ZFP28: variants seen among roughly 807,000 people sequenced by gnomAD.
ZFP28 encodes the protein zinc finger protein 28 homolog.
ZFP28 carries 31 observed loss-of-function variants against 39.5 expected under a neutral mutation model. The ratio of observed to expected loss-of-function variants is 0.79; its 90% CI spans 0.59 to 1.06. The LOEUF is 1.06. ZFP28 is among the 50% of genes least tolerant of loss of function. The pLI is 0.00. For missense variants in ZFP28, 925 were observed against 1,048.4 expected (o/e 0.88, Z 1.63); for synonymous variants, 400 against 378.6 (o/e 1.06, Z -0.66).
At chr19:56,540,411 G>C (rs1026104389) in intron 2 of ZFP28, among the ~76,000 whole-genome samples, 1 of 152,128 alleles carries the variant, frequency 6.6e-6, no homozygotes, top group Non-Finnish European at 1.5e-5. Flanking sequence ...TGTTTGTTTC[G>C]GTTGGCTTCT....
Position 56,547,438 on chromosome 19 carries a change from C to G in ZFP28, c.301-70C>G. The G allele has an allele frequency of 6.2e-7, 1 of 1,608,702 alleles. No homozygotes were observed. Among genetic ancestry groups the G allele is most frequent in the Non-Finnish European group, 8.5e-7 (1 of 1,177,246 alleles). ...GTTTTGTCAGGGGACACATTTCTTT[C>G]TATAACAAACCCCCAGTCATGTGGG... On this transcript the variant is annotated intron_variant, in intron 2 of 7. Transcript: ENST00000301318. The surrounding 1 kb of genome is among the most constrained non-coding windows in gnomAD (Gnocchi z 4.6).
rs777273303 is a variant in ZFP28 at position 56,555,425 on chromosome 19, G to T, written c.*33G>T. 1 of 1,563,056 alleles carries T rather than the reference G, an allele frequency of 6.4e-7. No homozygotes were observed. The highest frequency in any genetic ancestry group is 1.4e-5 in the African/African-American group (1 of 73,038). On this transcript the variant is annotated 3_prime_UTR_variant, in exon 8 of 8. Coordinates refer to ENST00000301318, the MANE Select transcript of ZFP28 (RefSeq NM_020828.2). The stretch of plus-strand genomic sequence containing the variant: ...ACGTCATTTCTGTTTGACTACTCCA[G>T]CAGTTTAAAACCCCATCTCCCTGCC...
intron 7 of ZFP28, chr19:56,551,735 T>C (rs1035349605): frequency 1.0e-6 from 1 of 983,662 alleles, no homozygotes; most frequent in Non-Finnish European, 1.2e-6. Flanking sequence ...AAAATTATTC[T>C]TTTTTTATGA....
chr19:56,538,118 T>C (rs1463463904), upstream of ZFP28: 1 of 152,106 alleles, frequency 6.6e-6, no homozygotes, highest in Non-Finnish European at 1.5e-5. Context: ...TGCAAATACA[T>C]AGGTTACAAA....
In ZFP28 at chr19:56,547,892, C is replaced by T. The variant is rs370710800; in HGVS notation, c.513C>T (p.Ala171=). ...PWTVKRKMTR[A]WCPDLKAVWK... ...CAGTGAAGCGAAAGATGACAAGAGC[C>T]TGGTGCCCAGGTGAGTGTGGGAGAA... The change falls in exon 4 of 8, where the codon GCC becomes GCT. Residue 171 remains alanine, a synonymous_variant. Transcript: ENST00000301318. This position sits in a 1 kb window ranked among gnomAD's most constrained non-coding sequence, Gnocchi z 4.6. 2.1e-5 allele frequency: 34 copies of T among 1,614,000 alleles called. No homozygotes were observed. The highest frequency in any genetic ancestry group is 2.8e-5 in the Non-Finnish European group (33 of 1,180,022).
chr19:56,539,274 C>T, intron 1 of ZFP28, 48 bp downstream of exon 1: 1 of 1,529,272 alleles, frequency 6.5e-7, no homozygotes, highest in Non-Finnish European at 8.8e-7. Flanking sequence ...ACGAATTCAT[C>T]TCGGGATGAG....
Position 56,555,705 on chromosome 19 carries a change from A to AT in ZFP28, c.*317dup. The stretch of plus-strand genomic sequence containing the variant: ...GTAGGGTGAGGGTAGGAAAAAGCAC[A>AT]TTTTCTATCAGGAACAGAATTCTCC... On this transcript the variant is annotated 3_prime_UTR_variant, in exon 8 of 8. Coordinates refer to ENST00000301318, the MANE Select transcript of ZFP28 (RefSeq NM_020828.2). 1 of 256,232 alleles carries AT rather than the reference A, an allele frequency of 3.9e-6. No homozygotes were observed. The highest frequency in any genetic ancestry group is 7.3e-6 in the Non-Finnish European group (1 of 136,376). 15.9% of individuals were successfully genotyped at this position (256,232 alleles called of 1,614,324 possible). A position where few individuals can be genotyped will look rare whatever the true frequency, so the allele number is the denominator to read the frequency against.
In ZFP28 at chr19:56,547,737, C is replaced by A; in HGVS notation, c.428-70C>A. 1 of 1,601,246 alleles carries A rather than the reference C, an allele frequency of 6.2e-7. No homozygotes were observed. The highest frequency in any genetic ancestry group is 1.1e-5 in the South Asian group (1 of 89,962). On this transcript the variant is annotated intron_variant, in intron 3 of 7. Transcript: ENST00000301318. The surrounding 1 kb of genome is among the most constrained non-coding windows in gnomAD (Gnocchi z 4.6). ...CCAGACCTGCACTGCCCTCTTGCGT[C>A]AAGCCAAGGGGACTGCATCTCAGTC...
At position 56,550,531 on chromosome 19, in the gene ZFP28, A is replaced by G; in HGVS notation, c.824A>G (p.Asp275Gly). 1 of 1,614,072 alleles carries G rather than the reference A, an allele frequency of 6.2e-7. No homozygotes were observed. The highest frequency in any genetic ancestry group is 8.5e-7 in the Non-Finnish European group (1 of 1,180,028). The change falls in exon 7 of 8, where the codon GAT (aspartate) becomes GGT (glycine). Residue 275 changes from aspartate to glycine, a missense_variant. Transcript: ENST00000301318. ...TCAGGACATTGTGTGGCTAAGCCAG[A>G]TTTAGTCTCTTTACTAGAGCAAGAG... is the stretch of plus-strand genomic sequence containing the variant. ...GSAGHCVAKP[D>G]LVSLLEQEKE...
intron 1 of ZFP28, 126 bp from the exon 2 acceptor site, chr19:56,539,499 G>T (rs563866566): frequency 2.4e-6 from 2 of 826,108 alleles, no homozygotes; most frequent in East Asian, 5.1e-5. Flanking sequence ...CTATCTCCAC[G>T]TTGTGGCAGT....
At chr19:56,543,361 ATAT>A (rs1359200953) in intron 2 of ZFP28, among the ~76,000 whole-genome samples, 1 of 142,724 alleles carries the variant, frequency 7.0e-6, no homozygotes, top group Non-Finnish European at 1.5e-5. Context: ...TATTTTATAT[ATAT>A]ATTAATATAT....
rs770342008 is a variant in ZFP28, at chr19:56,550,542, T to G, written c.835T>G (p.Leu279Val). 4 of 1,614,128 alleles carry G rather than the reference T, an allele frequency of 2.5e-6. No individual in the cohort carries two copies. Among genetic ancestry groups the G allele is most frequent in the Non-Finnish European group, 3.4e-6 (4 of 1,180,044 alleles). ...TGTGGCTAAGCCAGATTTAGTCTCT[T>G]TACTAGAGCAAGAGAAGGAGCCCTG... The part of the protein sequence containing the change: ...HCVAKPDLVS[L>V]LEQEKEPWMV... Residue 279 changes from leucine to valine, a missense_variant, in exon 7 of 8, where the codon TTA becomes GTA. Leu to Val is a conservative substitution (Grantham distance 32). Transcript: ENST00000301318.
chr19:56,539,497 A>T lies in ZFP28; in HGVS notation c.209-128A>T, dbSNP rs540825840. 2.6e-5 allele frequency: 21 copies of T among 814,710 alleles called. 1 individual carries two copies. The East Asian group carries it at 5.2e-4, about 20-fold the overall frequency. 50.5% of individuals were successfully genotyped at this position (814,710 alleles called of 1,614,324 possible). On this transcript the variant is annotated intron_variant, in intron 1 of 7. Coordinates refer to ENST00000301318, the MANE Select transcript of ZFP28 (RefSeq NM_020828.2). ...CCAGGGAGGAAAAAAACCTATCTCC[A>T]CGTTGTGGCAGTCCCTAGGCAGGGT...
In ZFP28 at chr19:56,542,792, G is replaced by T. The variant is rs141479125; in HGVS notation, c.300+3076G>T. Among the ~76,000 whole-genome samples, 1,304 of 152,036 alleles carry T rather than the reference G, an allele frequency of 8.6e-3. 21 individuals are homozygous for T. The highest frequency in any genetic ancestry group is 0.029 in the African/African-American group (1,184 of 41,450). On this transcript the variant is annotated intron_variant, in intron 2 of 7. Coordinates refer to ENST00000301318, the MANE Select transcript of ZFP28 (RefSeq NM_020828.2). Reference sequence around the variant, plus strand: ...TTGTTTTTTTGCTTTTAGAGACAGGGTCTCACTCTGTCACCTAGGCTGGAG... The same window carrying T: ...TTGTTTTTTTGCTTTTAGAGACAGGTTCTCACTCTGTCACCTAGGCTGGAG...
At chr19:56,541,877 ATTTTT>A (rs11297964) in intron 2 of ZFP28, among the ~76,000 whole-genome samples, 13,026 of 60,174 alleles carry the variant, frequency 0.22, 1,143 homozygotes, top group East Asian at 0.41. Flanking sequence ...CACCTGGCTA[ATTTTT>A]TTTTTTTTTT....
chr19:56,551,061 T>G, intron 7 of ZFP28: 1 of 1,146,852 alleles, frequency 8.7e-7, no homozygotes, highest in Non-Finnish European at 1.1e-6. Flanking sequence ...AAGCCATCAG[T>G]GAATTACTCT....
rs753905468 is a variant in ZFP28, at chr19:56,553,716, T to C, written c.931T>C (p.Phe311Leu). 6.2e-7 allele frequency: 1 copy of C among 1,611,896 alleles called. No individual in the cohort carries two copies. Among genetic ancestry groups the C allele is most frequent in the South Asian group, 1.1e-5 (1 of 90,668 alleles). Residue 311 changes from phenylalanine (F) to leucine (L), a missense_variant, in exon 8 of 8, where the codon TTT (phenylalanine) becomes CTT (leucine). Around this residue, in one of 2 missense-constraint regions of ZFP28, gnomAD observed 556 missense variants for 542.9 expected, o/e 1.02. Coordinates refer to ENST00000301318, the MANE Select transcript of ZFP28 (RefSeq NM_020828.2). ...ATCTGTACATGAGACCCAGGAATTA[T>C]TTCCAAAGCAAGATTCATATGCTGA... ...QRSVHETQELFPKQDSYAEGV... is the reference protein window; with the variant it reads ...QRSVHETQELLPKQDSYAEGV...
At chr19:56,542,084 C>T (rs2044200513) in intron 2 of ZFP28, among the ~76,000 whole-genome samples, 1 of 151,968 alleles carries the variant, frequency 6.6e-6, no homozygotes, top group Non-Finnish European at 1.5e-5. Context: ...AAAATTTGCA[C>T]TTATTCATCA....
rs781723584 is a variant in ZFP28, at chr19:56,548,912, AC to A, written c.524-45del. 6.6e-5 allele frequency: 103 copies of A among 1,555,168 alleles called. No individual in the cohort carries two copies. In the South Asian group the frequency reaches 1.1e-3, roughly 17 times the overall value. ...GTTGCATTTTGGAATTTTTCTTCATACTAACACATGATAAAAGATAAATTTA... is the reference window on the plus strand; with the variant it reads ...GTTGCATTTTGGAATTTTTCTTCATATAACACATGATAAAAGATAAATTTA... On this transcript the variant is annotated intron_variant, in intron 4 of 7. Coordinates refer to ENST00000301318, the MANE Select transcript of ZFP28 (RefSeq NM_020828.2).
Sources: allele counts gnomAD v4.1 joint callset (sites outside exome capture counted in the v4.1 genomes callset), GRCh38; gene constraint gnomAD v4.1.1; regional missense constraint gnomAD v4.1.1; non-coding constraint Gnocchi (gnomAD v3.1); transcripts MANE v1.5; gene names NCBI Gene and HGNC (gene_info 2026-07-23, HGNC 2026-07-21).